DMD: variants seen among roughly 807,000 people sequenced by gnomAD.
DMD encodes dystrophin.
In DMD, 63 loss-of-function variants were observed where a neutral mutation model predicts 330.1. The ratio of observed to expected loss-of-function variants is 0.19; its 90% CI spans 0.16 to 0.24. DMD has a LOEUF of 0.24. Ranked by LOEUF, DMD falls within the 10% of genes least tolerant of loss-of-function variation. The probability of loss-of-function intolerance (pLI) is 1.00; values close to 1 mark genes in which losing one functional copy is unlikely to be tolerated. For missense variants in DMD, 3,344 were observed against 2,684.1 expected (o/e 1.25, Z -5.43); for synonymous variants, 1,223 against 959.8 (o/e 1.27, Z -5.07).
rs182113391 is a variant in DMD at position 31,196,617 on chromosome X, G to T, written c.9807+7344C>A. Among the ~76,000 whole-genome samples the T allele has an allele frequency of 6.4e-5, 7 of 109,250 alleles. No homozygotes were observed. The Admixed American group carries it at 6.9e-4, about 11-fold the overall frequency. The allele number at this position is 109,250 out of a possible 115,157, so 94.9% of individuals were successfully genotyped here. A position where few individuals can be genotyped will look rare whatever the true frequency, so the allele number is the denominator to read the frequency against. ...AGGTGGGCGGATCACAAGGTCAAGA[G>T]ATTGAGACCATCCTGGCCAACATGG... On this transcript the variant is annotated intron_variant, in intron 67 of 78. Transcript: ENST00000357033.
In DMD at chrX:32,252,715, AATATATATAAATATATAAAT is replaced by A. The variant is rs1569553615; in HGVS notation, c.6290+34794_6290+34813del. ...ATATATAAATATATATAAATATATA[AATATATATAAATATATAAAT>A]ATATATATAAATATATATAAATATA... On this transcript the variant is annotated intron_variant, in intron 43 of 78. Coordinates refer to ENST00000357033, the MANE Select transcript of DMD (RefSeq NM_004006.3). 1.7e-3 allele frequency among the ~76,000 whole-genome samples: 58 copies of A among 34,170 alleles called. 1 individual carries two copies. The highest frequency in any genetic ancestry group is 2.5e-3 in the African/African-American group (21 of 8,550). 29.7% of individuals were successfully genotyped at this position (34,170 alleles called of 115,157 possible).
At chrX:32,214,224 T>A (rs2097104003) in intron 44 of DMD, among the ~76,000 whole-genome samples, 1 of 88,998 alleles carries the variant, frequency 1.1e-5, no homozygotes, top group Non-Finnish European at 2.2e-5. Context: ...CTGAAACACT[T>A]AAAAAAAAAA....
At chrX:32,358,159 T>C (rs1052877126) in intron 37 of DMD, among the ~76,000 whole-genome samples, 1 of 111,405 alleles carries the variant, frequency 9.0e-6, no homozygotes, top group Non-Finnish European at 1.9e-5. Flanking sequence ...TTAGTGCTTT[T>C]AGATATACCT....
At chrX:32,412,316 A>G in intron 29 of DMD, 1 of 726,630 alleles carries the variant, frequency 1.4e-6, no homozygotes, top group Non-Finnish European at 1.9e-6. Context: ...CCAATTCAAG[A>G]CAGATAATCT....
chrX:32,816,409 T>C, intron 6 of DMD, 59 bp downstream of exon 6: 1 of 1,162,318 alleles, frequency 8.6e-7, no homozygotes, highest in Non-Finnish European at 1.2e-6. Context: ...GAAAAATATG[T>C]CATCAGAGTC....
At chrX:31,393,303 C>G (rs994421369) in intron 60 of DMD, among the ~76,000 whole-genome samples, 3 of 109,686 alleles carry the variant, frequency 2.7e-5, no homozygotes, top group African/African-American at 9.9e-5. Context: ...ATGGTGAAAC[C>G]CGGTCTCCAC....
chrX:32,695,131 A>G (rs2063554187), intron 9 of DMD, among the ~76,000 whole-genome samples: 1 of 112,560 alleles, frequency 8.9e-6, no homozygotes, highest in Non-Finnish European at 1.9e-5. Flanking sequence ...AATCAAATGT[A>G]TGAATACTGC....
chrX:32,119,013 C>T (rs2096623344), intron 44 of DMD, among the ~76,000 whole-genome samples: 1 of 111,090 alleles, frequency 9.0e-6, no homozygotes, highest in Admixed American at 9.5e-5. Context: ...TGTGGGGCCC[C>T]GGTTCCTAAC....
At chrX:31,826,332 T>A (rs752204954) in intron 49 of DMD, among the ~76,000 whole-genome samples, 1 of 112,428 alleles carries the variant, frequency 8.9e-6, no homozygotes, top group African/African-American at 3.2e-5. Context: ...CAGAACTGTA[T>A]AATTTCCAAT....
At chrX:33,077,838 T>C (rs755486313) in intron 1 of DMD, among the ~76,000 whole-genome samples, 6 of 112,544 alleles carry the variant, frequency 5.3e-5, no homozygotes, top group Non-Finnish European at 1.1e-4. Context: ...TAGTTTACTA[T>C]AGATTTTCTT....
In DMD at chrX:31,507,481, T is replaced by C. The variant is rs1282164690; in HGVS notation, c.8218-28A>G. 4.3e-6 allele frequency: 5 copies of C among 1,164,305 alleles called. No homozygotes were observed. In the East Asian group the frequency reaches 9.2e-5, roughly 21 times the overall value. On this transcript the variant is annotated intron_variant, in intron 55 of 78. Transcript: ENST00000357033. ...ACAGGACAGCAGGAAGAAGAATATG[T>C]GCAGAATTACCAAACAAAAGAAACA...
chrX:32,054,086 TGTGAGAGAGAGAGAGAGAGAGA>T (rs1304468485), intron 44 of DMD, among the ~76,000 whole-genome samples: 4 of 79,017 alleles, frequency 5.1e-5, no homozygotes, highest in African/African-American at 2.1e-4. Context: ...TGTGTGTGTG[TGTGAGAGAGAGAGAGAGAGAGA>T]GAGAGAGAGA....
intron 66 of DMD, among the ~76,000 whole-genome samples, chrX:31,204,785 G>A (rs1319613137): frequency 8.9e-6 from 1 of 112,131 alleles, no homozygotes; most frequent in Non-Finnish European, 1.9e-5. Flanking sequence ...ATCACACCCA[G>A]CTAATTTTTG....
At chrX:31,152,800 A>G (rs752647222) in intron 74 of DMD, among the ~76,000 whole-genome samples, 1 of 112,691 alleles carries the variant, frequency 8.9e-6, no homozygotes, top group Non-Finnish European at 1.9e-5. Context: ...TTGGCCTCCC[A>G]AAGTGATAGG....
At chrX:31,457,215 T>C (rs965067081) in intron 59 of DMD, among the ~76,000 whole-genome samples, 1 of 111,105 alleles carries the variant, frequency 9.0e-6, no homozygotes, top group East Asian at 2.8e-4. Context: ...AGAGTGTTTG[T>C]ATGCAGAGAC....
chrX:31,716,856 CAT>C (rs568408993), intron 52 of DMD, among the ~76,000 whole-genome samples: 13,578 of 89,336 alleles, frequency 0.15, 850 homozygotes, highest in Middle Eastern at 0.23. Context: ...CACACACACA[CAT>C]ATATATATAT....
chrX:32,783,324 TAC>T (rs1167526735), intron 7 of DMD, among the ~76,000 whole-genome samples: 6 of 101,349 alleles, frequency 5.9e-5, no homozygotes, highest in South Asian at 8.3e-4. Flanking sequence ...GGTATATATA[TAC>T]ACACATATAT....
chrX:31,320,942 C>T (rs947422465), intron 62 of DMD, among the ~76,000 whole-genome samples: 2 of 111,023 alleles, frequency 1.8e-5, no homozygotes, highest in East Asian at 5.6e-4. Flanking sequence ...AATTTTCCTG[C>T]CTATTGTTCT....
intron 2 of DMD, among the ~76,000 whole-genome samples, chrX:32,872,999 T>C (rs2083114769): frequency 8.9e-6 from 1 of 111,918 alleles, no homozygotes; most frequent in Non-Finnish European, 1.9e-5. Flanking sequence ...CACCTCACCA[T>C]CAGGTAAATC....
Sources: allele counts gnomAD v4.1 joint callset (sites outside exome capture counted in the v4.1 genomes callset), GRCh38; gene constraint gnomAD v4.1.1; transcripts MANE v1.5; gene names NCBI Gene and HGNC (gene_info 2026-07-23, HGNC 2026-07-21).